CTNNBIP1: variants seen among roughly 807,000 people sequenced by gnomAD.
The protein encoded by CTNNBIP1 is catenin beta interacting protein 1, also known as beta-catenin-interacting protein 1.
A neutral mutation model predicts 11.8 loss-of-function variants in CTNNBIP1; 7 were observed. The ratio of observed to expected loss-of-function variants is 0.60; its 90% CI spans 0.34 to 1.12. The LOEUF is 1.12. Ranked by LOEUF, CTNNBIP1 falls within the 50% of genes most tolerant of loss-of-function variation. The pLI is 0.03. For synonymous variants in CTNNBIP1, 58 were observed against 43.9 expected (o/e 1.32, Z -1.26); for missense variants, 101 against 113.4 (o/e 0.89, Z 0.50).
chr1:9,876,705 T>C (rs1356542616), intron 3 of CTNNBIP1, among the ~76,000 whole-genome samples: 2 of 152,192 alleles, frequency 1.3e-5, no homozygotes, highest in Non-Finnish European at 2.9e-5. Flanking sequence ...CATGGTTATT[T>C]ATTATGTAGT....
intron 1 of CTNNBIP1, among the ~76,000 whole-genome samples, chr1:9,898,308 G>A (rs1304073417): frequency 6.6e-6 from 1 of 151,796 alleles, no homozygotes; most frequent in African/African-American, 2.4e-5. Context: ...GGCGCATCAC[G>A]AGGTCAGGAG....
At position 9,885,561 on chromosome 1, in the gene CTNNBIP1, T is replaced by C. The variant is rs527989159; in HGVS notation, c.-143-1823A>G. On this transcript the variant is annotated intron_variant, in intron 1 of 5. Transcript: ENST00000377263. ...CTGGAGGCTGAGGTGGGAGGATCGC[T>C]TGAGCCTGGAAAATCAAGGCTGCAG... 2.0e-5 allele frequency among the ~76,000 whole-genome samples: 3 copies of C among 151,936 alleles called. No homozygotes were observed. The South Asian group carries it at 6.3e-4, about 32-fold the overall frequency.
rs1570551817 is a variant in CTNNBIP1 at position 9,850,908 on chromosome 1, T to C, written c.188-132A>G. On this transcript the variant is annotated intron_variant, in intron 5 of 5. Transcript: ENST00000377263. ...GCGGCACTCTCTGAGGACAAAGTAC[T>C]TCCGAGGAAGTCTTCCTCCCCTCTG... 3 of 827,922 alleles carry C rather than the reference T, an allele frequency of 3.6e-6. No homozygotes were observed. The East Asian group carries it at 7.5e-5, about 21-fold the overall frequency. The allele number at this position is 827,922 out of a possible 1,614,324, so 51.3% of individuals were successfully genotyped here. A position where few individuals can be genotyped will look rare whatever the true frequency, so the allele number is the denominator to read the frequency against.
At chr1:9,890,192 A>G (rs1324221754) in intron 1 of CTNNBIP1, among the ~76,000 whole-genome samples, 3 of 152,160 alleles carry the variant, frequency 2.0e-5, no homozygotes, top group Non-Finnish European at 4.4e-5. Flanking sequence ...AGGCAAGAGT[A>G]CCTGGCAGGC....
rs949677848 is a variant in CTNNBIP1 at position 9,851,173 on chromosome 1, C to A, written c.188-397G>T. ...CCTCCCTCTTTCTTCTCAAGACTCG[C>A]GTCTTGATGCCTTCGGAGGGTCTGG... On this transcript the variant is annotated intron_variant, in intron 5 of 5. Coordinates refer to ENST00000377263, the MANE Select transcript of CTNNBIP1 (RefSeq NM_020248.3). The surrounding 1 kb of genome is among the most constrained non-coding windows in gnomAD (Gnocchi z 4.8). 6.6e-6 allele frequency among the ~76,000 whole-genome samples: 1 copy of A among 152,168 alleles called. No individual in the cohort carries two copies. The highest frequency in any genetic ancestry group is 1.5e-5 in the Non-Finnish European group (1 of 68,024).
rs376824700 is a variant in CTNNBIP1, at chr1:9,857,311, T to C, written c.188-6535A>G. 6.6e-5 allele frequency among the ~76,000 whole-genome samples: 10 copies of C among 150,678 alleles called. 1 individual carries two copies. In the East Asian group the frequency reaches 1.8e-3, roughly 27 times the overall value. On this transcript the variant is annotated intron_variant, in intron 5 of 5. Coordinates refer to ENST00000377263, the MANE Select transcript of CTNNBIP1 (RefSeq NM_020248.3). ...CTGGCTAACACGGTGAAACCCTGTC[T>C]TTACTAAAAATACAAAAAATTAGCC...
At chr1:9,909,826 G>C (rs1215707607) in intron 1 of CTNNBIP1, among the ~76,000 whole-genome samples, 1 of 152,130 alleles carries the variant, frequency 6.6e-6, no homozygotes, top group Non-Finnish European at 1.5e-5. Context: ...CCCGGACGCG[G>C]TGAGGTGAGC....
intron 1 of CTNNBIP1, among the ~76,000 whole-genome samples, chr1:9,898,966 T>C (rs753429412): frequency 6.6e-6 from 1 of 152,240 alleles, no homozygotes; most frequent in Non-Finnish European, 1.5e-5. Flanking sequence ...TTTCATTTTA[T>C]TTTTTGGTAT....
intron 1 of CTNNBIP1, among the ~76,000 whole-genome samples, chr1:9,896,244 T>C (rs1639405824): frequency 6.6e-6 from 1 of 152,252 alleles, no homozygotes; most frequent in Non-Finnish European, 1.5e-5. Flanking sequence ...GATGTATCAG[T>C]GTTCCACTAG....
intron 3 of CTNNBIP1, among the ~76,000 whole-genome samples, chr1:9,876,820 C>A (rs1638976691): frequency 6.7e-6 from 1 of 149,010 alleles, no homozygotes; most frequent in South Asian, 2.1e-4. Flanking sequence ...TCAATTTAGA[C>A]ACAGAGACAC....
At position 9,867,603 on chromosome 1, in the gene CTNNBIP1, C is replaced by G. The variant is rs1323428347; in HGVS notation, c.187+3584G>C. Among the ~76,000 whole-genome samples, 3 of 152,208 alleles carry G rather than the reference C, an allele frequency of 2.0e-5. No individual in the cohort carries two copies. Among genetic ancestry groups the G allele is most frequent in the African/African-American group, 7.2e-5 (3 of 41,450 alleles). On this transcript the variant is annotated intron_variant, in intron 5 of 5. Transcript: ENST00000377263. This position sits in a 1 kb window ranked among gnomAD's most constrained non-coding sequence, Gnocchi z 4.6. Reference sequence around the variant, plus strand: ...AGTCCCGGGGTAGATGGAGCCTCCTCTGGCTCAGGGAACACCTAAAGCAGC... The same window carrying G: ...AGTCCCGGGGTAGATGGAGCCTCCTGTGGCTCAGGGAACACCTAAAGCAGC...
chr1:9,881,079 C>T (rs1440703845), intron 2 of CTNNBIP1, among the ~76,000 whole-genome samples: 1 of 152,028 alleles, frequency 6.6e-6, no homozygotes, highest in Admixed American at 6.6e-5. Flanking sequence ...TCTGTTGCTC[C>T]AGCTGGAGTA....
At position 9,871,166 on chromosome 1, in the gene CTNNBIP1, GC is replaced by G; in HGVS notation, c.187+20del. ...CCCTGGGACTTGTGCCACTGCCCCAGCCCCTCTGCCGCCAACTCACCCTGGT... is the reference window on the plus strand; with the variant it reads ...CCCTGGGACTTGTGCCACTGCCCCAGCCCTCTGCCGCCAACTCACCCTGGT... On this transcript the variant is annotated intron_variant, in intron 5 of 5. Transcript: ENST00000377263. The surrounding 1 kb of genome is among the most constrained non-coding windows in gnomAD (Gnocchi z 5.2). 6.5e-7 allele frequency: 1 copy of G among 1,545,252 alleles called. No homozygotes were observed. Among genetic ancestry groups the G allele is most frequent in the Non-Finnish European group, 8.7e-7 (1 of 1,143,296 alleles).
At position 9,871,667 on chromosome 1, in the gene CTNNBIP1, C is replaced by A. The variant is rs567845623; in HGVS notation, c.96+302G>T. Among the ~76,000 whole-genome samples the A allele has an allele frequency of 3.9e-5, 6 of 152,274 alleles. No individual in the cohort carries two copies. The East Asian group carries it at 1.2e-3, about 29-fold the overall frequency. On this transcript the variant is annotated intron_variant, in intron 4 of 5. Coordinates refer to ENST00000377263, the MANE Select transcript of CTNNBIP1 (RefSeq NM_020248.3). This position sits in a 1 kb window ranked among gnomAD's most constrained non-coding sequence, Gnocchi z 5.2. ...CCTGACAAGTTGTCCCTGAGCTGCC[C>A]CCTGGGAGAGAAGACTTTCGGGCTT...
chr1:9,890,177 T>TA (rs1401281833), intron 1 of CTNNBIP1, among the ~76,000 whole-genome samples: 1 of 152,176 alleles, frequency 6.6e-6, no homozygotes, highest in Non-Finnish European at 1.5e-5. Context: ...CCCACCTTTT[T>TA]ACAGAGGCAA....
At chr1:9,879,799 G>C (rs1179800450) in intron 2 of CTNNBIP1, among the ~76,000 whole-genome samples, 1 of 152,172 alleles carries the variant, frequency 6.6e-6, no homozygotes, top group African/African-American at 2.4e-5. Flanking sequence ...ACAGGGCTCA[G>C]ACCCTTCCAA....
chr1:9,904,084 A>G lies in CTNNBIP1; in HGVS notation c.-144+6011T>C, dbSNP rs767372121. On this transcript the variant is annotated intron_variant, in intron 1 of 5. Transcript: ENST00000377263. ...AAATGCCACTATCATTCACTTTCTC[A>G]TTTTCTAAATGAGCACGTATCATTC... Among the ~76,000 whole-genome samples the G allele has an allele frequency of 4.6e-5, 7 of 152,308 alleles. No homozygotes were observed. In the Middle Eastern group the frequency reaches 0.01, roughly 222 times the overall value.
chr1:9,900,018 G>A (rs1281942557), intron 1 of CTNNBIP1, among the ~76,000 whole-genome samples: 2 of 151,452 alleles, frequency 1.3e-5, no homozygotes, highest in African/African-American at 4.9e-5. Context: ...AGGTTGAAGT[G>A]AGGCAAGATT....
At chr1:9,858,371 G>GACCCACACACCTGCAGGACCCA (rs1638552121) in intron 5 of CTNNBIP1, among the ~76,000 whole-genome samples, 1 of 152,104 alleles carries the variant, frequency 6.6e-6, no homozygotes, top group Non-Finnish European at 1.5e-5. Context: ...CCTCACTGTG[G>GACCCACACACCTGCAGGACCCA]CCTGCAGGAC....
Sources: gnomAD v4.1 joint callset for allele counts (sites outside exome capture counted in the v4.1 genomes callset) on GRCh38, gnomAD v4.1.1 for gene constraint, Gnocchi (gnomAD v3.1) non-coding constraint, MANE v1.5 for transcripts, NCBI Gene and HGNC (gene_info 2026-07-23, HGNC 2026-07-21) for gene names.